Variants in NRG1 observed in about 807,000 individuals in gnomAD.
NRG1 encodes the protein pro-neuregulin-1, membrane-bound isoform.
NRG1 carries 18 observed loss-of-function variants against 63.8 expected under a neutral mutation model. The ratio of observed to expected loss-of-function variants is 0.28; its 90% CI spans 0.19 to 0.42. NRG1 has a LOEUF of 0.42. Ranked by LOEUF, NRG1 falls within the 10% of genes least tolerant of loss-of-function variation. NRG1 has a pLI of 1.00. For missense variants in NRG1, 762 were observed against 814.7 expected, an observed-to-expected ratio of 0.94 and a Z score of 0.79; for synonymous variants, 302 against 301.3, an observed-to-expected ratio of 1.00 and a Z score of -0.02.
chr8:32,431,663 G>C (rs957639681), intron 1 of NRG1, among the ~76,000 whole-genome samples: 1 of 151,794 alleles, frequency 6.6e-6, no homozygotes, highest in African/African-American at 2.4e-5. Context: ...TGCTTATTTT[G>C]TGTTTTCACA....
intron 1 of NRG1, among the ~76,000 whole-genome samples, chr8:32,102,738 A>G (rs1563789441): frequency 1.3e-5 from 2 of 152,184 alleles, no homozygotes; most frequent in Non-Finnish European, 2.9e-5. Flanking sequence ...AAGCCCTGCC[A>G]TCGAATCCAG....
chr8:32,672,202 G>A (rs1038531469), intron 5 of NRG1, among the ~76,000 whole-genome samples: 5 of 151,802 alleles, frequency 3.3e-5, no homozygotes, highest in East Asian at 1.9e-4. Context: ...GTGCCACCAC[G>A]CCCCACTAAT....
At chr8:32,409,998 C>A (rs1814667747) in intron 1 of NRG1, among the ~76,000 whole-genome samples, 1 of 152,066 alleles carries the variant, frequency 6.6e-6, no homozygotes, top group Middle Eastern at 3.4e-3. Flanking sequence ...CCCTCCAAAC[C>A]CTGCCTCTAA....
At chr8:31,728,902 T>G (rs909217867) in intron 1 of NRG1, among the ~76,000 whole-genome samples, 1 of 152,178 alleles carries the variant, frequency 6.6e-6, no homozygotes. Flanking sequence ...GGTATTGAAA[T>G]TTTTTGGTGA....
In NRG1 at chr8:32,312,160, T is replaced by TTG. The variant is rs1554504643; in HGVS notation, c.38-283667_38-283666insGT. On this transcript the variant is annotated intron_variant, in intron 1 of 10. Coordinates refer to the NRG1 transcript ENST00000519301. The stretch of plus-strand genomic sequence containing the variant: ...CATTCATTATTTGACCTTGTTTGTT[T>TTG]TTTTTTTTTTTTTTTTTTTTGAGAC... Among the ~76,000 whole-genome samples the TTG allele has an allele frequency of 8.4e-4, 102 of 121,920 alleles. 1 individual carries two copies. The highest frequency in any genetic ancestry group is 3.3e-3 in the African/African-American group (96 of 29,252). 80.0% of individuals were successfully genotyped at this position (121,920 alleles called of 152,430 possible). A position where few individuals can be genotyped will look rare whatever the true frequency, so the allele number is the denominator to read the frequency against.
At chr8:31,740,775 G>T (rs777499016) in intron 1 of NRG1, among the ~76,000 whole-genome samples, 2 of 151,956 alleles carry the variant, frequency 1.3e-5, no homozygotes, top group African/African-American at 2.4e-5. Context: ...GGTGTGGTAA[G>T]CAATTGATCT....
intron 1 of NRG1, among the ~76,000 whole-genome samples, chr8:31,731,088 C>T (rs953624038): frequency 7.9e-5 from 12 of 152,026 alleles, no homozygotes; most frequent in Non-Finnish European, 1.0e-4. Context: ...TGGAGAAGCA[C>T]GTCTCATCTT....
At chr8:31,793,603 A>C (rs1216732189) in intron 1 of NRG1, among the ~76,000 whole-genome samples, 2 of 152,250 alleles carry the variant, frequency 1.3e-5, no homozygotes, top group African/African-American at 2.4e-5. Context: ...TTACTTGAGA[A>C]TCTATTGCAA....
intron 1 of NRG1, among the ~76,000 whole-genome samples, chr8:32,415,124 T>C (rs1190681243): frequency 6.6e-6 from 1 of 151,916 alleles, no homozygotes; most frequent in Non-Finnish European, 1.5e-5. Context: ...AGAAGGCAGG[T>C]TTCACTTTTA....
intron 1 of NRG1, among the ~76,000 whole-genome samples, chr8:31,947,874 A>G (rs538848361): frequency 7.1e-6 from 1 of 141,278 alleles, no homozygotes; most frequent in Admixed American, 7.6e-5. Flanking sequence ...TGAGCCCAAG[A>G]GGCAAAGTTG....
chr8:31,738,583 G>A (rs969883561), intron 1 of NRG1, among the ~76,000 whole-genome samples: 11 of 151,936 alleles, frequency 7.2e-5, no homozygotes, highest in Non-Finnish European at 1.3e-4. Flanking sequence ...GTGTGTGTAT[G>A]TATGCATTTC....
At chr8:32,187,639 T>G (rs989416628) in intron 1 of NRG1, among the ~76,000 whole-genome samples, 21 of 152,120 alleles carry the variant, frequency 1.4e-4, no homozygotes, top group Admixed American at 9.2e-4. Flanking sequence ...TAGGCTAAAG[T>G]CACTGCCGAA....
chr8:32,536,493 G>A (rs1304882214), intron 1 of NRG1, among the ~76,000 whole-genome samples: 2 of 152,138 alleles, frequency 1.3e-5, no homozygotes, highest in Non-Finnish European at 2.9e-5. Flanking sequence ...CTCTTGATTA[G>A]CTCAAAGCCA....
chr8:32,262,846 A>G (rs1434981217), intron 1 of NRG1, among the ~76,000 whole-genome samples: 1 of 152,202 alleles, frequency 6.6e-6, no homozygotes, highest in Admixed American at 6.5e-5. Context: ...TATGTAAATA[A>G]TAGGTTGGTC....
chr8:31,948,930 C>T (rs114493188), intron 1 of NRG1, among the ~76,000 whole-genome samples: 3,590 of 152,172 alleles, frequency 0.024, 151 homozygotes, highest in African/African-American at 0.081. Flanking sequence ...TATTAGAATG[C>T]GCTGTGTATA....
intron 1 of NRG1, among the ~76,000 whole-genome samples, chr8:31,799,202 T>C (rs1821516961): frequency 6.6e-6 from 1 of 152,134 alleles, no homozygotes; most frequent in Non-Finnish European, 1.5e-5. Flanking sequence ...CAACTTTTTA[T>C]TCAATAGTGT....
intron 1 of NRG1, among the ~76,000 whole-genome samples, chr8:32,380,033 T>C (rs139295821): frequency 5.3e-5 from 8 of 152,298 alleles, no homozygotes; most frequent in Non-Finnish European, 7.4e-5. Context: ...ACAGACCTAC[T>C]TCTTAAAAAG....
At chr8:32,015,782 A>G (rs992174352) in intron 1 of NRG1, among the ~76,000 whole-genome samples, 10 of 151,496 alleles carry the variant, frequency 6.6e-5, no homozygotes, top group African/African-American at 2.4e-4. Context: ...CTTTACATCT[A>G]TCCTCAAAAG....
chr8:32,352,955 T>TAG (rs1805819291), intron 1 of NRG1, among the ~76,000 whole-genome samples: 1 of 119,476 alleles, frequency 8.4e-6, no homozygotes, highest in African/African-American at 2.6e-5. Flanking sequence ...TGTGTATATA[T>TAG]ATATATACAG....
Sources: allele counts gnomAD v4.1 joint callset (sites outside exome capture counted in the v4.1 genomes callset), GRCh38; gene constraint gnomAD v4.1.1; transcripts MANE v1.5; gene names NCBI Gene and HGNC (gene_info 2026-07-23, HGNC 2026-07-21).